The following RASGEF1C variants were observed in gnomAD, a reference collection of about 807,000 sequenced individuals.
RASGEF1C encodes the protein RasGEF domain family member 1C.
Under a neutral mutation model 58.1 loss-of-function variants are expected in RASGEF1C, and 27 were observed. The ratio of observed to expected loss-of-function variants is 0.46; its 90% CI spans 0.34 to 0.64. The LOEUF (loss-of-function observed/expected upper bound fraction) is 0.64. RASGEF1C is among the 30% of genes least tolerant of loss of function. RASGEF1C has a pLI of 0.01. For synonymous variants in RASGEF1C, 243 were observed against 246.3 expected (o/e 0.99, Z 0.13); for missense variants, 502 against 605.1 (o/e 0.83, Z 1.79).
intron 1 of RASGEF1C, among the ~76,000 whole-genome samples, chr5:180,169,579 G>A (rs1581117566): frequency 6.7e-6 from 1 of 149,426 alleles, no homozygotes; most frequent in Non-Finnish European, 1.5e-5. Context: ...GGGAGAGGGG[G>A]CTGGGGGACG....
intron 12 of RASGEF1C, among the ~76,000 whole-genome samples, chr5:180,110,758 C>A (rs536637423): frequency 6.6e-6 from 1 of 152,316 alleles, no homozygotes; most frequent in African/African-American, 2.4e-5. Flanking sequence ...CACACACGTA[C>A]ACGCCTACAC....
chr5:180,201,673 C>T (rs1203465969), intron 1 of RASGEF1C, among the ~76,000 whole-genome samples: 1 of 152,222 alleles, frequency 6.6e-6, no homozygotes, highest in Non-Finnish European at 1.5e-5. Flanking sequence ...TGGAAGTTTA[C>T]GTCCCCCAAA....
intron 12 of RASGEF1C, among the ~76,000 whole-genome samples, chr5:180,103,506 C>T (rs1045068563): frequency 6.6e-6 from 1 of 152,188 alleles, no homozygotes; most frequent in Non-Finnish European, 1.5e-5. Flanking sequence ...ATTGCTCATA[C>T]GTAGAAACAT....
chr5:180,172,077 A>C (rs1037149234), intron 1 of RASGEF1C, among the ~76,000 whole-genome samples: 2 of 152,238 alleles, frequency 1.3e-5, no homozygotes, highest in Admixed American at 1.3e-4. Flanking sequence ...ATAGTGTTTA[A>C]AAAGTCTCAA....
intron 11 of RASGEF1C, among the ~76,000 whole-genome samples, chr5:180,113,761 C>G (rs1264107443): frequency 7.2e-6 from 1 of 138,420 alleles, no homozygotes; most frequent in African/African-American, 2.7e-5. Flanking sequence ...GACGGAGGGA[C>G]CGGGGATGGA....
chr5:180,199,763 C>G (rs1365344124), intron 1 of RASGEF1C, among the ~76,000 whole-genome samples: 1 of 149,836 alleles, frequency 6.7e-6, no homozygotes, highest in Non-Finnish European at 1.5e-5. Context: ...CCCCTGACCT[C>G]AAGCGATTCT....
chr5:180,129,717 G>A (rs555697859), intron 4 of RASGEF1C, among the ~76,000 whole-genome samples: 247 of 152,302 alleles, frequency 1.6e-3, no homozygotes, highest in African/African-American at 5.7e-3. Context: ...GTCAAGGTGC[G>A]CCATCGCTGG....
intron 1 of RASGEF1C, among the ~76,000 whole-genome samples, chr5:180,183,109 T>A (rs1454394640): frequency 6.6e-6 from 1 of 152,142 alleles, no homozygotes; most frequent in East Asian, 1.9e-4. Flanking sequence ...GATAAGCTTT[T>A]TTAAAAAAAG....
At chr5:180,163,696 A>G (rs1411363786) in intron 1 of RASGEF1C, among the ~76,000 whole-genome samples, 6 of 152,016 alleles carry the variant, frequency 3.9e-5, no homozygotes, top group African/African-American at 2.4e-5. Flanking sequence ...TTTATTTACT[A>G]TATTTTGCTA....
rs1453436379 is a variant in RASGEF1C at position 180,111,482 on chromosome 5, G to A, written c.1278C>T (p.Tyr426=). Residue 426 remains tyrosine (Y), a synonymous_variant, in exon 12 of 14, where the codon TAC becomes TAT. Transcript: ENST00000361132. ...CATCCTCACTGAAGATGGGGGCGGT[G>A]TACAGGTAGTGGGTGATGCTGGCGT... is the stretch of plus-strand genomic sequence containing the variant. ...EQDASITHYL[Y]TAPIFSEDGL... 14 of 1,614,232 alleles carry A rather than the reference G, an allele frequency of 8.7e-6. No homozygotes were observed. Among genetic ancestry groups the A allele is most frequent in the African/African-American group, 1.3e-5 (1 of 75,066 alleles).
At position 180,136,423 on chromosome 5, in the gene RASGEF1C, G is replaced by T; in HGVS notation, c.393C>A (p.Ile131=). The T allele has an allele frequency of 6.4e-7, 1 of 1,561,300 alleles. No homozygotes were observed. Among genetic ancestry groups the T allele is most frequent in the Non-Finnish European group, 8.7e-7 (1 of 1,152,640 alleles). The change falls in exon 4 of 14, where the codon ATC becomes ATA. Residue 131 remains isoleucine (I), a synonymous_variant. Coordinates refer to ENST00000361132, the MANE Select transcript of RASGEF1C (RefSeq NM_175062.4). ...GGCCCACGACGTCCTTAAGGTGCCC[G>T]ATAGTCGACTCTTCCTGGAAGTCCC... ...FPRDFQEEST[I]GHLKDVVGRI... is the part of the protein sequence containing the mutation.
In RASGEF1C at chr5:180,129,511, C is replaced by A. The variant is rs190246583; in HGVS notation, c.439-901G>T. Among the ~76,000 whole-genome samples the A allele has an allele frequency of 4.9e-3, 742 of 152,164 alleles. 2 individuals are homozygous for A. The highest frequency in any genetic ancestry group is 0.017 in the African/African-American group (704 of 41,516). ...CAGCACCCCAGGGCCCTGGCTGAGG[C>A]CCCCCCAGAGCAATCGGAGCCCCCA... On this transcript the variant is annotated intron_variant, in intron 4 of 13. Coordinates refer to ENST00000361132, the MANE Select transcript of RASGEF1C (RefSeq NM_175062.4).
chr5:180,154,612 G>A (rs550363494), intron 1 of RASGEF1C, among the ~76,000 whole-genome samples: 80 of 144,504 alleles, frequency 5.5e-4, no homozygotes, highest in African/African-American at 1.7e-3. Flanking sequence ...ATGGAGTCTC[G>A]CTCTGTCGCC....
At position 180,137,622 on chromosome 5, in the gene RASGEF1C, G is replaced by C; in HGVS notation, c.268C>G (p.Gln90Glu). Residue 90 changes from glutamine to glutamate, a missense_variant, in exon 3 of 14, where the codon CAG becomes GAG. Gln to Glu is a conservative substitution (Grantham distance 29). Coordinates refer to ENST00000361132, the MANE Select transcript of RASGEF1C (RefSeq NM_175062.4). The surrounding 1 kb of genome is among the most constrained non-coding windows in gnomAD (Gnocchi z 4.1). The part of the protein sequence containing the change: ...LARVCHLCIE[Q>E]QQLDKPVLDK... ...AGCACCGGCTTGTCCAGCTGCTGCT[G>C]CTCGATGCACAGGTGGCAGACCCGG... 1 of 1,611,216 alleles carries C rather than the reference G, an allele frequency of 6.2e-7. No homozygotes were observed.
chr5:180,199,288 G>A (rs1756337000), intron 1 of RASGEF1C, among the ~76,000 whole-genome samples: 1 of 152,172 alleles, frequency 6.6e-6, no homozygotes, highest in Non-Finnish European at 1.5e-5. Flanking sequence ...CTTTCTACAG[G>A]AACGACAAAA....
At chr5:180,114,625 A>C (rs1433625048) in intron 10 of RASGEF1C, 84 bp from the exon 11 acceptor site, 7 of 1,331,576 alleles carry the variant, frequency 5.3e-6, no homozygotes, top group Non-Finnish European at 6.2e-6. Context: ...GCCAGCAGAT[A>C]GCTGCCCCAG....
intron 1 of RASGEF1C, among the ~76,000 whole-genome samples, chr5:180,169,286 G>C (rs534939309): frequency 2.0e-5 from 3 of 152,192 alleles, no homozygotes; most frequent in Non-Finnish European, 2.9e-5. Flanking sequence ...GACTAGAACA[G>C]ATCTAACTCC....
chr5:180,191,854 G>C (rs943293915), intron 1 of RASGEF1C, among the ~76,000 whole-genome samples: 1 of 152,180 alleles, frequency 6.6e-6, no homozygotes, highest in Non-Finnish European at 1.5e-5. Context: ...TCTGCTCAGG[G>C]GCTCACAGGC....
intron 6 of RASGEF1C, among the ~76,000 whole-genome samples, chr5:180,125,069 G>C (rs1766232721): frequency 6.6e-6 from 1 of 152,112 alleles, no homozygotes; most frequent in Non-Finnish European, 1.5e-5. Flanking sequence ...GGAGGTTGAG[G>C]CTGCAGTGAG....
Sources: gnomAD v4.1 joint callset for allele counts (sites outside exome capture counted in the v4.1 genomes callset) on GRCh38, gnomAD v4.1.1 for gene constraint, Gnocchi (gnomAD v3.1) non-coding constraint, MANE v1.5 for transcripts, NCBI Gene and HGNC (gene_info 2026-07-23, HGNC 2026-07-21) for gene names.